The following DGKG variants were observed in gnomAD, a reference collection of about 807,000 sequenced individuals.
DGKG encodes DAG kinase gamma.
Under a neutral mutation model 105.3 loss-of-function variants are expected in DGKG, and 78 were observed. That is an observed-to-expected ratio of 0.74 (90% CI 0.62 to 0.89). The LOEUF (loss-of-function observed/expected upper bound fraction) is 0.89. Among genes scored for constraint, DGKG ranks in the 40% least tolerant of loss-of-function variants. The probability of loss-of-function intolerance (pLI) is 0.00; values close to 1 mark genes in which losing one functional copy is unlikely to be tolerated. For synonymous variants in DGKG, 346 were observed against 367.1 expected (o/e 0.94, Z 0.66); for missense variants, 958 against 1,020.1 (o/e 0.94, Z 0.83).
intron 23 of DGKG, among the ~76,000 whole-genome samples, chr3:186,164,057 G>A (rs1035632571): frequency 6.6e-6 from 1 of 152,220 alleles, no homozygotes; most frequent in African/African-American, 2.4e-5. Context: ...GCAGTGTGGT[G>A]CCAAGGGCAG....
At chr3:186,348,005 T>C (rs1000424039) in intron 1 of DGKG, among the ~76,000 whole-genome samples, 1 of 152,238 alleles carries the variant, frequency 6.6e-6, no homozygotes, top group Admixed American at 6.5e-5. Context: ...TATTTAAACC[T>C]GTATTTTTCT....
At chr3:186,187,849 GT>G (rs1465636698) in intron 22 of DGKG, among the ~76,000 whole-genome samples, 4 of 152,190 alleles carry the variant, frequency 2.6e-5, no homozygotes, top group African/African-American at 9.6e-5. Flanking sequence ...GGAAGAGGGA[GT>G]GATCAGCTGG....
At chr3:186,314,797 G>T (rs1215419457) in intron 2 of DGKG, among the ~76,000 whole-genome samples, 1 of 150,842 alleles carries the variant, frequency 6.6e-6, no homozygotes, top group East Asian at 1.9e-4. Context: ...CCAAGCAACT[G>T]CTGGCTGATG....
At chr3:186,216,977 G>C (rs1413961095) in intron 20 of DGKG, among the ~76,000 whole-genome samples, 1 of 152,090 alleles carries the variant, frequency 6.6e-6, no homozygotes, top group Non-Finnish European at 1.5e-5. Flanking sequence ...CTACAAAATG[G>C]GAACATTATT....
At chr3:186,199,470 A>G (rs1718344079) in intron 21 of DGKG, among the ~76,000 whole-genome samples, 1 of 152,130 alleles carries the variant, frequency 6.6e-6, no homozygotes. Flanking sequence ...CACTTTATAT[A>G]TTTTATGTCT....
At chr3:186,323,997 A>G (rs1436180416) in intron 1 of DGKG, among the ~76,000 whole-genome samples, 2 of 150,266 alleles carry the variant, frequency 1.3e-5, no homozygotes, top group Non-Finnish European at 3.0e-5. Flanking sequence ...AATCCCAGCT[A>G]CTCGGGAGGC....
rs1011862558 is a variant in DGKG, at chr3:186,223,083, T to C, written c.1827-11198A>G. Among the ~76,000 whole-genome samples, 2 of 139,270 alleles carry C rather than the reference T, an allele frequency of 1.4e-5. 1 individual carries two copies. The highest frequency in any genetic ancestry group is 3.1e-5 in the Non-Finnish European group (2 of 64,930). 91.4% of individuals were successfully genotyped at this position (139,270 alleles called of 152,430 possible). A position where few individuals can be genotyped will look rare whatever the true frequency, so the allele number is the denominator to read the frequency against. On this transcript the variant is annotated intron_variant, in intron 20 of 24. Transcript: ENST00000265022. ...AAGGCACAGTAGAACTCCATTGTTG[T>C]ATATAAAACTGGCTTCGTGGCCTCA...
chr3:186,203,889 G>C lies in DGKG; in HGVS notation c.1917+7906C>G, dbSNP rs978180474. Among the ~76,000 whole-genome samples, 1 of 152,210 alleles carries C rather than the reference G, an allele frequency of 6.6e-6. No individual in the cohort carries two copies. Among genetic ancestry groups the C allele is most frequent in the Non-Finnish European group, 1.5e-5 (1 of 68,036 alleles). ...CTTACTCCAGGGAAAGGCTCTACCT[G>C]TGGTAGCTGAGAAGAAGGTTCAGAT... On this transcript the variant is annotated intron_variant, in intron 21 of 24. Transcript: ENST00000265022. This position sits in a 1 kb window ranked among gnomAD's most constrained non-coding sequence, Gnocchi z 4.9.
chr3:186,356,926 C>T (rs1726993797), intron 1 of DGKG, among the ~76,000 whole-genome samples: 2 of 152,048 alleles, frequency 1.3e-5, no homozygotes, highest in Admixed American at 6.5e-5. Flanking sequence ...GGAGATGGGG[C>T]CAGCATCCAC....
intron 19 of DGKG, among the ~76,000 whole-genome samples, chr3:186,244,924 T>C (rs1327731588): frequency 3.9e-5 from 6 of 152,192 alleles, no homozygotes; most frequent in Non-Finnish European, 8.8e-5. Flanking sequence ...ATAAGATTCA[T>C]GTGACATTTG....
At chr3:186,258,326 C>T (rs1721584269) in intron 16 of DGKG, among the ~76,000 whole-genome samples, 1 of 152,190 alleles carries the variant, frequency 6.6e-6, no homozygotes, top group Non-Finnish European at 1.5e-5. Context: ...AAGCAAGATG[C>T]ACCGAATTTG....
intron 3 of DGKG, among the ~76,000 whole-genome samples, chr3:186,299,765 T>TTCTCTTTCTTTCTTTC (rs1723782403): frequency 7.5e-6 from 1 of 133,682 alleles, no homozygotes; most frequent in Non-Finnish European, 1.6e-5. Flanking sequence ...TTTTCTTCTT[T>TTCTCTTTCTTTCTTTC]TCTCTTTCTT....
chr3:186,311,735 A>G (rs6795904), intron 2 of DGKG, among the ~76,000 whole-genome samples: 17,810 of 152,216 alleles, frequency 0.12, 1,108 homozygotes, highest in Middle Eastern at 0.2. Context: ...GAACAAGCAG[A>G]CAAATCAGAG....
chr3:186,195,705 T>C lies in DGKG; in HGVS notation c.1918-7326A>G, dbSNP rs2108506759. 1.3e-5 allele frequency among the ~76,000 whole-genome samples: 2 copies of C among 152,314 alleles called. 1 individual carries two copies. The highest frequency in any genetic ancestry group is 4.1e-4 in the South Asian group (2 of 4,822). On this transcript the variant is annotated intron_variant, in intron 21 of 24. Coordinates refer to ENST00000265022, the MANE Select transcript of DGKG (RefSeq NM_001346.3). Reference sequence around the variant, plus strand: ...GGTCCGTGGACCACACTTTGAGTAGTAAGGCTGTAGTGTTGCGCAGATTCT... The same window carrying C: ...GGTCCGTGGACCACACTTTGAGTAGCAAGGCTGTAGTGTTGCGCAGATTCT...
chr3:186,255,919 C>A (rs1208231084), intron 17 of DGKG, among the ~76,000 whole-genome samples: 1 of 152,148 alleles, frequency 6.6e-6, no homozygotes, highest in East Asian at 1.9e-4. Context: ...GGGTCACTAA[C>A]CTGTGAAAAA....
rs1331846225 is a variant in DGKG, at chr3:186,253,101, C to T, written c.1592G>A (p.Trp531Ter). 6.2e-7 allele frequency: 1 copy of T among 1,614,066 alleles called. No homozygotes were observed. The highest frequency in any genetic ancestry group is 1.3e-5 in the African/African-American group (1 of 74,930). ...TGNDLARCLR[W>*]GGGYEGGSLT... ...TTAGCATGCAAACTCACCTCCTCCC[C>T]AGCGGAGACAACGGGCAAGGTCATT... is the stretch of plus-strand genomic sequence containing the variant. The change falls in exon 18 of 25, where the codon TGG (tryptophan) becomes TAG (stop). Residue 531 changes from tryptophan (W) to a stop codon, truncating the protein, a stop_gained. Transcript: ENST00000265022. LOFTEE classifies it high-confidence loss of function.
rs557780603 is a variant in DGKG, at chr3:186,329,933, G to A, written c.-248-9226C>T. 4.4e-4 allele frequency among the ~76,000 whole-genome samples: 67 copies of A among 152,330 alleles called. 2 individuals carry two copies. In the South Asian group the frequency reaches 0.014, roughly 32 times the overall value. On this transcript the variant is annotated intron_variant, in intron 1 of 24. Coordinates refer to ENST00000265022, the MANE Select transcript of DGKG (RefSeq NM_001346.3). ...TGAACTCCTTCAGGGCAGAAAGAGT[G>A]TCCTGTCTGCTTTGCACCTCTAGCT... is the stretch of plus-strand genomic sequence containing the variant.
At chr3:186,298,560 G>C (rs1723711588) in intron 3 of DGKG, among the ~76,000 whole-genome samples, 1 of 152,232 alleles carries the variant, frequency 6.6e-6, no homozygotes. Flanking sequence ...TGAGCCTTGG[G>C]AGTGGAGGCC....
intron 1 of DGKG, among the ~76,000 whole-genome samples, chr3:186,351,754 C>T (rs980844213): frequency 2.0e-5 from 3 of 152,154 alleles, no homozygotes; most frequent in African/African-American, 7.2e-5. Context: ...GGAGAAATAC[C>T]CATTGAATAC....
Sources: gnomAD v4.1 joint callset for allele counts (sites outside exome capture counted in the v4.1 genomes callset) on GRCh38, gnomAD v4.1.1 for gene constraint, Gnocchi (gnomAD v3.1) non-coding constraint, MANE v1.5 for transcripts, NCBI Gene and HGNC (gene_info 2026-07-23, HGNC 2026-07-21) for gene names.